Variants in DMD observed in about 807,000 individuals in gnomAD.
DMD encodes the protein mutant dystrophin.
In DMD, 63 loss-of-function variants were observed where a neutral mutation model predicts 330.1. That is an observed-to-expected ratio of 0.19 (90% confidence interval 0.16 to 0.24). DMD has a LOEUF of 0.24. DMD is among the 10% of genes least tolerant of loss of function. DMD has a pLI of 1.00. For missense variants in DMD, 3,344 were observed against 2,684.1 expected, an observed-to-expected ratio of 1.25 and a Z score of -5.43; for synonymous variants, 1,223 against 959.8, an observed-to-expected ratio of 1.27 and a Z score of -5.07.
At chrX:31,141,237 A>AACAACAACACC (rs770172375) in intron 76 of DMD, among the ~76,000 whole-genome samples, 1 of 105,949 alleles carries the variant, frequency 9.4e-6, no homozygotes, top group African/African-American at 3.8e-5. Flanking sequence ...ACAACAACAA[A>AACAACAACACC]ACCAGAATGA....
At chrX:32,505,434 C>T in intron 18 of DMD, among the ~76,000 whole-genome samples, 1 of 111,484 alleles carries the variant, frequency 9.0e-6, no homozygotes, top group Non-Finnish European at 1.9e-5. Context: ...CATATGTTAC[C>T]AGGGAATTAC....
At chrX:32,688,598 C>T (rs769575086) in intron 9 of DMD, among the ~76,000 whole-genome samples, 2 of 111,674 alleles carry the variant, frequency 1.8e-5, no homozygotes, top group South Asian at 7.4e-4. Context: ...TTCTCACATA[C>T]ACTATGCATT....
chrX:32,788,363 A>G (rs1010285960), intron 7 of DMD, among the ~76,000 whole-genome samples: 4 of 111,609 alleles, frequency 3.6e-5, no homozygotes, highest in Non-Finnish European at 5.6e-5. Flanking sequence ...CATGTCAAGT[A>G]AACCACACTG....
chrX:32,186,400 C>G (rs1297988877), intron 44 of DMD, among the ~76,000 whole-genome samples: 2 of 111,259 alleles, frequency 1.8e-5, no homozygotes, highest in Non-Finnish European at 3.8e-5. Flanking sequence ...AATGGACTAC[C>G]TGATTGATTC....
intron 74 of DMD, among the ~76,000 whole-genome samples, chrX:31,157,033 A>C (rs1041461238): frequency 3.6e-5 from 4 of 112,190 alleles, no homozygotes; most frequent in Non-Finnish European, 7.5e-5. Flanking sequence ...TAAGATCACT[A>C]GGATGAGATT....
chrX:32,908,602 C>T (rs2086927647), intron 2 of DMD, among the ~76,000 whole-genome samples: 1 of 111,689 alleles, frequency 9.0e-6, no homozygotes, highest in Non-Finnish European at 1.9e-5. Flanking sequence ...TAGATCTAAG[C>T]AGTCTGTCTT....
At chrX:32,309,449 C>A (rs1033810515) in intron 42 of DMD, among the ~76,000 whole-genome samples, 1 of 111,163 alleles carries the variant, frequency 9.0e-6, no homozygotes, top group Non-Finnish European at 1.9e-5. Flanking sequence ...ATTCATTTAT[C>A]TTCAGACACT....
intron 44 of DMD, among the ~76,000 whole-genome samples, chrX:32,092,756 T>A (rs2096484232): frequency 1.3e-5 from 1 of 77,756 alleles, no homozygotes; most frequent in African/African-American, 4.7e-5. Flanking sequence ...TTTTTTTTTT[T>A]TATAGAAACA....
chrX:31,971,204 T>C (rs1419738449), intron 44 of DMD, among the ~76,000 whole-genome samples: 1 of 112,033 alleles, frequency 8.9e-6, no homozygotes, highest in African/African-American at 3.2e-5. Flanking sequence ...CTTTTGAGTC[T>C]TTGTTAAGCA....
intron 29 of DMD, among the ~76,000 whole-genome samples, chrX:32,426,332 C>T (rs929908496): frequency 8.9e-6 from 1 of 111,916 alleles, no homozygotes; most frequent in Non-Finnish European, 1.9e-5. Context: ...CATGAACACA[C>T]ATTTTTCACA....
At chrX:31,210,184 C>A (rs764099747) in intron 64 of DMD, among the ~76,000 whole-genome samples, 1 of 111,678 alleles carries the variant, frequency 9.0e-6, no homozygotes, top group South Asian at 3.7e-4. Flanking sequence ...AATCATTAAG[C>A]GCTTTTCTCC....
At position 33,271,412 on chromosome X, in the gene DMD, T is replaced by A. The variant is rs763970901; in HGVS notation, c.7+67847A>T. Among the ~76,000 whole-genome samples the A allele has an allele frequency of 9.9e-5, 11 of 110,946 alleles. No homozygotes were observed. In the South Asian group the frequency reaches 2.3e-3, roughly 23 times the overall value. ...TTTTTAAGCACTGTTAGCAATTATC[T>A]ATCTGTCTATCCTAGAATCTCCACT... On this transcript the variant is annotated intron_variant, in intron 1 of 17. Coordinates refer to the DMD transcript ENST00000288447.
chrX:32,903,889 A>C (rs2086517999), intron 2 of DMD, among the ~76,000 whole-genome samples: 1 of 111,541 alleles, frequency 9.0e-6, no homozygotes, highest in African/African-American at 3.3e-5. Flanking sequence ...GTGATTATAA[A>C]TATTGACTCG....
At chrX:33,016,039 C>A (rs958016181) in intron 2 of DMD, among the ~76,000 whole-genome samples, 2 of 110,172 alleles carry the variant, frequency 1.8e-5, no homozygotes, top group Admixed American at 1.9e-4. Context: ...TTTGCCCAGG[C>A]CTTTCCTGGG....
At chrX:32,255,945 A>G (rs987530419) in intron 43 of DMD, among the ~76,000 whole-genome samples, 9 of 112,123 alleles carry the variant, frequency 8.0e-5, no homozygotes, top group African/African-American at 2.9e-4. Context: ...ATAACTGTGA[A>G]ATCATTTGTC....
At chrX:32,285,919 C>T (rs754809466) in intron 43 of DMD, among the ~76,000 whole-genome samples, 1 of 110,770 alleles carries the variant, frequency 9.0e-6, no homozygotes, top group African/African-American at 3.3e-5. Context: ...AGGCTGGTCT[C>T]GGACTCCTGA....
At chrX:33,047,629 G>A (rs2094401069) in intron 1 of DMD, among the ~76,000 whole-genome samples, 1 of 111,858 alleles carries the variant, frequency 8.9e-6, no homozygotes, top group African/African-American at 3.2e-5. Context: ...GGAAACAAAT[G>A]AATTATTTTT....
chrX:32,605,862 CA>C (rs2056651038), intron 12 of DMD, among the ~76,000 whole-genome samples: 1 of 109,783 alleles, frequency 9.1e-6, no homozygotes, highest in East Asian at 2.9e-4. Flanking sequence ...TCACACCAAT[CA>C]GTATGGCTAT....
intron 13 of DMD, among the ~76,000 whole-genome samples, chrX:32,587,258 T>G (rs1276908012): frequency 8.9e-6 from 1 of 111,915 alleles, no homozygotes; most frequent in African/African-American, 3.2e-5. Flanking sequence ...TTTAACATTC[T>G]CTTTGTAACT....
Sources: allele counts gnomAD v4.1 joint callset (sites outside exome capture counted in the v4.1 genomes callset), GRCh38; gene constraint gnomAD v4.1.1; transcripts MANE v1.5; gene names NCBI Gene and HGNC (gene_info 2026-07-23, HGNC 2026-07-21).